The following TTC23 variants were observed in gnomAD, a reference collection of about 807,000 sequenced individuals.
TTC23 encodes tetratricopeptide repeat protein 23.
TTC23 carries 58 observed loss-of-function variants against 55.1 expected under a neutral mutation model. The observed-to-expected ratio is 1.05, with a 90% CI of 0.85 to 1.31. TTC23 has a LOEUF of 1.31. Ranked by LOEUF, TTC23 falls within the 50% of genes most tolerant of loss-of-function variation. The pLI is 0.00. For synonymous variants in TTC23, 203 were observed against 199.9 expected, an observed-to-expected ratio of 1.02 and a Z score of -0.13; for missense variants, 516 against 534.4, an observed-to-expected ratio of 0.97 and a Z score of 0.34.
intron 12 of TTC23, 72 bp downstream of exon 12, chr15:99,156,076 C>T (rs2070505797): frequency 6.2e-7 from 1 of 1,600,842 alleles, no homozygotes; most frequent in African/African-American, 1.3e-5. Flanking sequence ...AGAACCACCA[C>T]AAGGGAGAGA....
At chr15:99,218,764 T>C (rs1278149125) in intron 7 of TTC23, 51 bp from the exon 8 acceptor site, 7 of 1,609,480 alleles carry the variant, frequency 4.3e-6, no homozygotes, top group African/African-American at 4.0e-5. Flanking sequence ...CTACACCCCA[T>C]GTCCTGAACT....
intron 1 of TTC23, among the ~76,000 whole-genome samples, chr15:99,247,009 A>G (rs1342524328): frequency 1.3e-5 from 2 of 152,210 alleles, no homozygotes; most frequent in Admixed American, 1.3e-4. Flanking sequence ...TAGGCAAAAT[A>G]TTTGAAAGAC....
chr15:99,146,717 T>C (rs1296686931), intron 12 of TTC23, among the ~76,000 whole-genome samples: 2 of 152,218 alleles, frequency 1.3e-5, no homozygotes, highest in African/African-American at 4.8e-5. Context: ...CAGTGGGCAG[T>C]CTGTGTACAC....
At chr15:99,180,031 G>C (rs2073966646) in intron 9 of TTC23, among the ~76,000 whole-genome samples, 1 of 152,200 alleles carries the variant, frequency 6.6e-6, no homozygotes, top group Admixed American at 6.5e-5. Flanking sequence ...AGGAATCACA[G>C]TTAACAGAAT....
At chr15:99,200,170 T>A in intron 8 of TTC23, 74 bp from the exon 9 acceptor site, 1 of 1,331,170 alleles carries the variant, frequency 7.5e-7, no homozygotes, top group Non-Finnish European at 9.9e-7. Flanking sequence ...GAGCTGGTAG[T>A]TGGGATGTGA....
At chr15:99,139,163 C>T (rs782818160) in intron 13 of TTC23, 154 bp downstream of exon 13, 8 of 882,956 alleles carry the variant, frequency 9.1e-6, no homozygotes, top group Middle Eastern at 2.1e-4. Context: ...TTTTACAACT[C>T]GGGTTTCAAA....
intron 4 of TTC23, among the ~76,000 whole-genome samples, chr15:99,229,745 C>T (rs1237004110): frequency 2.0e-5 from 3 of 152,228 alleles, no homozygotes; most frequent in Admixed American, 6.5e-5. Flanking sequence ...TTTGTGCTAA[C>T]GTAAGGCTGG....
At chr15:99,158,424 T>G (rs1395681534) in intron 11 of TTC23, 1 of 152,168 alleles carries the variant, frequency 6.6e-6, no homozygotes, top group Non-Finnish European at 1.5e-5. Context: ...GTGAAGGAAG[T>G]TAAATGGCAC....
chr15:99,205,951 T>C (rs896677495), intron 8 of TTC23, among the ~76,000 whole-genome samples: 6 of 152,334 alleles, frequency 3.9e-5, no homozygotes, highest in Non-Finnish European at 7.4e-5. Context: ...GGGTTTGTCA[T>C]ATATGGCTTT....
At chr15:99,150,145 G>T (rs151073453) in intron 12 of TTC23, among the ~76,000 whole-genome samples, 1 of 152,218 alleles carries the variant, frequency 6.6e-6, no homozygotes, top group Non-Finnish European at 1.5e-5. Flanking sequence ...CCAGCGGCCT[G>T]CAAGGCCTGC....
chr15:99,139,321 A>G lies in TTC23; in HGVS notation c.1222T>C (p.Ser408Pro), dbSNP rs1555488859. ...GTGTGAGGGACGCCAACTCACGTGG[A>G]CAGCATGCCCATGGCCTGCTGGGTG... ...LATQQAMGML[S>P]TAPKVASKPR... is the part of the protein sequence containing the mutation. Residue 408 changes from serine to proline, a missense_variant, in exon 13 of 14, where the codon TCC becomes CCC. By Grantham distance (74) the Ser-to-Pro change is moderately conservative (BLOSUM62 -1). Transcript: ENST00000394132. 1 of 1,612,552 alleles carries G rather than the reference A, an allele frequency of 6.2e-7. No individual in the cohort carries two copies. The highest frequency in any genetic ancestry group is 1.3e-5 in the African/African-American group (1 of 74,902).
intron 8 of TTC23, among the ~76,000 whole-genome samples, chr15:99,202,555 T>A (rs1159085658): frequency 6.6e-6 from 1 of 152,234 alleles, no homozygotes; most frequent in Non-Finnish European, 1.5e-5. Context: ...TTTCCTGAGA[T>A]AAGCCACTAA....
chr15:99,232,574 C>T (rs1399697815), intron 4 of TTC23, among the ~76,000 whole-genome samples: 1 of 151,726 alleles, frequency 6.6e-6, no homozygotes, highest in East Asian at 1.9e-4. Context: ...AGATTGTTAT[C>T]ATTAGAGAAA....
At chr15:99,246,913 C>A (rs1325675914) in intron 1 of TTC23, among the ~76,000 whole-genome samples, 1 of 152,012 alleles carries the variant, frequency 6.6e-6, no homozygotes, top group Non-Finnish European at 1.5e-5. Flanking sequence ...CAAAGCGAGA[C>A]CCAGTCTCAA....
chr15:99,206,580 C>G (rs2076645510), intron 8 of TTC23, among the ~76,000 whole-genome samples: 2 of 152,006 alleles, frequency 1.3e-5, no homozygotes, highest in Non-Finnish European at 2.9e-5. Context: ...CTAGATTTTC[C>G]AGTTTATTAC....
chr15:99,169,663 C>T (rs774045565), intron 10 of TTC23, among the ~76,000 whole-genome samples: 2 of 152,008 alleles, frequency 1.3e-5, no homozygotes, highest in Non-Finnish European at 2.9e-5. Flanking sequence ...AAGGGAGGGT[C>T]GTGTAAGGTA....
intron 9 of TTC23, among the ~76,000 whole-genome samples, chr15:99,178,393 G>A (rs184363803): frequency 1.8e-4 from 28 of 152,224 alleles, no homozygotes; most frequent in Non-Finnish European, 3.1e-4. Context: ...GGGGTTTGAC[G>A]GGGGAACACC....
chr15:99,213,619 C>T (rs1172280218), intron 8 of TTC23, among the ~76,000 whole-genome samples: 1 of 152,206 alleles, frequency 6.6e-6, no homozygotes, highest in South Asian at 2.1e-4. Flanking sequence ...AAAGCCTTCC[C>T]AGTCACTAAC....
chr15:99,239,209 C>A (rs1454191709), intron 3 of TTC23, among the ~76,000 whole-genome samples: 2 of 152,048 alleles, frequency 1.3e-5, no homozygotes, highest in East Asian at 3.9e-4. Context: ...GTCGGCTGGG[C>A]ATGGTGGCTC....
Sources: gnomAD v4.1 joint callset for allele counts (sites outside exome capture counted in the v4.1 genomes callset) on GRCh38, gnomAD v4.1.1 for gene constraint, MANE v1.5 for transcripts, NCBI Gene and HGNC (gene_info 2026-07-23, HGNC 2026-07-21) for gene names.